Variants in MFSD8 observed in about 807,000 individuals in gnomAD.
MFSD8 encodes major facilitator superfamily domain containing 8.
MFSD8 carries 55 observed loss-of-function variants against 66.4 expected under a neutral mutation model. The observed-to-expected ratio is 0.83, with a 90% confidence interval of 0.67 to 1.04. The LOEUF is 1.04. MFSD8 is among the 50% of genes least tolerant of loss of function. The pLI is 0.00. For missense variants in MFSD8, 550 were observed against 627.6 expected (o/e 0.88, Z 1.32); for synonymous variants, 202 against 212.8 (o/e 0.95, Z 0.44).
chr4:127,952,906 AATT>A (rs1403262192), intron 2 of MFSD8, among the ~76,000 whole-genome samples: 1 of 151,998 alleles, frequency 6.6e-6, no homozygotes, highest in Non-Finnish European at 1.5e-5. Context: ...AAGTTAAAAT[AATT>A]TTCTTTTTTT....
At chr4:127,935,370 G>T (rs1181256099) in intron 7 of MFSD8, among the ~76,000 whole-genome samples, 1 of 152,106 alleles carries the variant, frequency 6.6e-6, no homozygotes, top group East Asian at 1.9e-4. Context: ...CTTCAGTGGG[G>T]TATCTCAGAA....
chr4:127,932,657 T>C lies in MFSD8; in HGVS notation c.863+328A>G, dbSNP rs1408320410. 7 of 213,698 alleles carry C rather than the reference T, an allele frequency of 3.3e-5. No homozygotes were observed. In the South Asian group the frequency reaches 4.4e-4, roughly 13 times the overall value. The allele number at this position is 213,698 out of a possible 1,614,324, so 13.2% of individuals were successfully genotyped here. On this transcript the variant is annotated intron_variant, in intron 8 of 11. Transcript: ENST00000641686. ...TGAATCATATATATATATACATATA[T>C]GTAGGAAATTATAGAGCTTAAGGAT...
chr4:127,928,082 T>G (rs1737515917), intron 9 of MFSD8, among the ~76,000 whole-genome samples: 1 of 152,124 alleles, frequency 6.6e-6, no homozygotes. Context: ...GAAATCTCAC[T>G]CTGTCACCCA....
intron 3 of MFSD8, among the ~76,000 whole-genome samples, chr4:127,945,918 C>CTT (rs373712196): frequency 1.3e-4 from 18 of 133,506 alleles, no homozygotes; most frequent in Non-Finnish European, 1.6e-4. Context: ...GAAAGCAAAA[C>CTT]TTTTTTTTTT....
chr4:127,965,494 A>C, upstream of MFSD8: 1 of 385,420 alleles, frequency 2.6e-6, no homozygotes, highest in Non-Finnish European at 4.9e-6. Flanking sequence ...TGGAAAGGTT[A>C]CCGGAGCTGC....
chr4:127,958,845 T>G (rs1743296690), intron 1 of MFSD8, among the ~76,000 whole-genome samples: 1 of 152,146 alleles, frequency 6.6e-6, no homozygotes, highest in Non-Finnish European at 1.5e-5. Flanking sequence ...TAATGACAAA[T>G]GACAATTATT....
intron 2 of MFSD8, among the ~76,000 whole-genome samples, chr4:127,951,267 T>C (rs942959887): frequency 6.6e-6 from 1 of 152,106 alleles, no homozygotes; most frequent in Non-Finnish European, 1.5e-5. Flanking sequence ...GAGTTTCTTG[T>C]CGCCCAGGCT....
At chr4:127,965,186 C>T, upstream of MFSD8, 1 of 1,607,560 alleles carries the variant, frequency 6.2e-7, no homozygotes, top group East Asian at 2.2e-5. Context: ...CACCTGCTTT[C>T]TCCCATCCCG....
chr4:127,961,562 C>G (rs1171852748), intron 1 of MFSD8, among the ~76,000 whole-genome samples: 1 of 152,104 alleles, frequency 6.6e-6, no homozygotes, highest in Non-Finnish European at 1.5e-5. Flanking sequence ...CACCTGTAAT[C>G]CCAGCACTTT....
At chr4:127,937,122 A>G (rs1327717515) in intron 7 of MFSD8, among the ~76,000 whole-genome samples, 1 of 152,206 alleles carries the variant, frequency 6.6e-6, no homozygotes, top group African/African-American at 2.4e-5. Flanking sequence ...GCCACACTTG[A>G]ATCATCATGC....
At chr4:127,961,110 C>A (rs1156851634) in intron 1 of MFSD8, among the ~76,000 whole-genome samples, 1 of 152,008 alleles carries the variant, frequency 6.6e-6, no homozygotes, top group Non-Finnish European at 1.5e-5. Context: ...TCCACCAGAC[C>A]AGCAAATAAT....
chr4:127,948,895 A>C (rs2148940509), intron 3 of MFSD8, among the ~76,000 whole-genome samples: 1 of 152,340 alleles, frequency 6.6e-6, no homozygotes, highest in East Asian at 1.9e-4. Context: ...AACGGTAAGA[A>C]ATAAATTCCT....
At chr4:127,921,083 T>C (rs1240070761) in intron 11 of MFSD8, 1 of 572,580 alleles carries the variant, frequency 1.7e-6, no homozygotes, top group Non-Finnish European at 3.1e-6. Flanking sequence ...TAAAATTGAT[T>C]AAAATACCTT....
Position 127,949,822 on chromosome 4 carries a change from T to A in MFSD8, c.180A>T (p.Ile60=). Residue 60 remains isoleucine (I), a synonymous_variant, in exon 3 of 12, where the codon ATA becomes ATT. Transcript: ENST00000641686. ...TACAAACCTTTTGGAGATATGGCCA[T>A]ATGGACATCATCACTACAGAAAACC... is the stretch of plus-strand genomic sequence containing the variant. ...SVGFSVVMMS[I]WPYLQKIDPT... is the part of the protein sequence containing the mutation. The A allele has an allele frequency of 6.2e-7, 1 of 1,612,064 alleles. No homozygotes were observed. Among genetic ancestry groups the A allele is most frequent in the Non-Finnish European group, 8.5e-7 (1 of 1,178,848 alleles).
At chr4:127,933,343 T>A (rs1388790856) in intron 7 of MFSD8, 3 of 337,170 alleles carry the variant, frequency 8.9e-6, no homozygotes, top group African/African-American at 4.3e-5. Flanking sequence ...CTCCCCAGGC[T>A]CAGGTGATCC....
chr4:127,957,048 C>A (rs1217172075), intron 2 of MFSD8, among the ~76,000 whole-genome samples: 2 of 152,078 alleles, frequency 1.3e-5, no homozygotes, highest in Admixed American at 6.6e-5. Flanking sequence ...GGAAAAATTT[C>A]TCCTACCCTA....
At chr4:127,956,879 T>C (rs1578983405) in intron 2 of MFSD8, among the ~76,000 whole-genome samples, 3 of 152,208 alleles carry the variant, frequency 2.0e-5, no homozygotes, top group Admixed American at 2.0e-4. Context: ...TTAGGGACTC[T>C]TAGTAGTTGT....
At chr4:127,957,034 T>C (rs940206509) in intron 2 of MFSD8, among the ~76,000 whole-genome samples, 3 of 152,090 alleles carry the variant, frequency 2.0e-5, no homozygotes, top group Non-Finnish European at 4.4e-5. Context: ...CATAGGAGAA[T>C]AGAGGAAAAA....
At chr4:127,923,080 C>T (rs1295441328) in intron 9 of MFSD8, among the ~76,000 whole-genome samples, 2 of 152,190 alleles carry the variant, frequency 1.3e-5, no homozygotes, top group African/African-American at 4.8e-5. Flanking sequence ...CAAACAGAGG[C>T]AATTTGACTT....
Sources: allele counts gnomAD v4.1 joint callset (sites outside exome capture counted in the v4.1 genomes callset), GRCh38; gene constraint gnomAD v4.1.1; transcripts MANE v1.5; gene names NCBI Gene and HGNC (gene_info 2026-07-23, HGNC 2026-07-21).